The following RAB11FIP4 variants were observed in gnomAD, a reference collection of about 807,000 sequenced individuals.
RAB11FIP4 encodes rab11 family-interacting protein 4.
Under a neutral mutation model 74.3 loss-of-function variants are expected in RAB11FIP4, and 23 were observed. That is an observed-to-expected ratio of 0.31 (90% CI 0.22 to 0.44). The LOEUF (loss-of-function observed/expected upper bound fraction) is 0.44. Ranked by LOEUF, RAB11FIP4 falls within the 20% of genes least tolerant of loss-of-function variation. RAB11FIP4 has a pLI of 1.00. For synonymous variants in RAB11FIP4, 360 were observed against 359.9 expected (o/e 1.00, Z 0.00); for missense variants, 630 against 863.9 (o/e 0.73, Z 3.39).
At chr17:31,463,635 C>T (rs1313614237) in intron 3 of RAB11FIP4, among the ~76,000 whole-genome samples, 1 of 152,012 alleles carries the variant, frequency 6.6e-6, no homozygotes, top group Non-Finnish European at 1.5e-5. Flanking sequence ...TCCCGAGTAG[C>T]TGGGATTACA....
rs185024220 is a variant in RAB11FIP4 at position 31,455,669 on chromosome 17, G to A, written c.336+21547G>A. On this transcript the variant is annotated intron_variant, in intron 3 of 14. Transcript: ENST00000621161. Reference sequence around the variant, plus strand: ...TGCTCTGATAATGTGTTGATAATTGGTTGACTTTACAACCAATATTTCAAA... The same window carrying A: ...TGCTCTGATAATGTGTTGATAATTGATTGACTTTACAACCAATATTTCAAA... Among the ~76,000 whole-genome samples, 46 of 143,552 alleles carry A rather than the reference G, an allele frequency of 3.2e-4. No individual in the cohort carries two copies. In the East Asian group the frequency reaches 8.8e-3, roughly 27 times the overall value. The allele number at this position is 143,552 out of a possible 152,430, so 94.2% of individuals were successfully genotyped here.
chr17:31,445,558 ATATATATATATATATATATATTTTTTTTT>A (rs1297852543), intron 3 of RAB11FIP4, among the ~76,000 whole-genome samples: 244 of 13,754 alleles, frequency 0.018, 14 homozygotes, highest in African/African-American at 0.043. Flanking sequence ...ATATATATAT[ATATATATATATATATATATATTTTTTTTT>A]TTTTTTTTTT....
intron 1 of RAB11FIP4, among the ~76,000 whole-genome samples, chr17:31,394,586 C>G (rs1487109399): frequency 3.9e-5 from 6 of 152,130 alleles, no homozygotes; most frequent in African/African-American, 1.4e-4. Context: ...TTTCTGGAAT[C>G]TAAGCCTGTT....
intron 1 of RAB11FIP4, among the ~76,000 whole-genome samples, chr17:31,397,074 G>A (rs150797033): frequency 6.6e-6 from 1 of 152,218 alleles, no homozygotes; most frequent in Non-Finnish European, 1.5e-5. Context: ...TGGGATCGAT[G>A]TCTTTTGAGA....
At chr17:31,463,663 C>T (rs2071654243) in intron 3 of RAB11FIP4, among the ~76,000 whole-genome samples, 1 of 152,006 alleles carries the variant, frequency 6.6e-6, no homozygotes, top group Non-Finnish European at 1.5e-5. Flanking sequence ...GCCACCACAC[C>T]TGGCTAATTT....
chr17:31,459,782 G>T lies in RAB11FIP4; in HGVS notation c.336+25660G>T, dbSNP rs187427364. ...AAAGCAGCCTCTTTATCCCCCACCA[G>T]TCCCTCCCCACGGCCCCAGATACCT... On this transcript the variant is annotated intron_variant, in intron 3 of 14. Coordinates refer to ENST00000621161, the MANE Select transcript of RAB11FIP4 (RefSeq NM_032932.6). 1.6e-3 allele frequency among the ~76,000 whole-genome samples: 179 copies of T among 109,808 alleles called. 1 individual carries two copies. In the Middle Eastern group the frequency reaches 0.029, roughly 18 times the overall value. The allele number at this position is 109,808 out of a possible 152,430, so 72.0% of individuals were successfully genotyped here.
chr17:31,481,337 A>G (rs2071846878), intron 3 of RAB11FIP4, among the ~76,000 whole-genome samples: 1 of 151,882 alleles, frequency 6.6e-6, no homozygotes. Context: ...AGCGTTTTTT[A>G]AGTTCTTCAA....
At chr17:31,394,489 A>G (rs2070908238) in intron 1 of RAB11FIP4, among the ~76,000 whole-genome samples, 1 of 152,162 alleles carries the variant, frequency 6.6e-6, no homozygotes, top group African/African-American at 2.4e-5. Flanking sequence ...CTTACTGTAC[A>G]CAATTCCTTT....
chr17:31,414,407 G>A (rs1187969888), intron 1 of RAB11FIP4, among the ~76,000 whole-genome samples: 3 of 152,218 alleles, frequency 2.0e-5, no homozygotes, highest in Non-Finnish European at 1.5e-5. Context: ...CAAAAGGAAC[G>A]GACAGATGGG....
intron 1 of RAB11FIP4, among the ~76,000 whole-genome samples, chr17:31,429,258 C>T (rs1235672462): frequency 6.6e-6 from 1 of 152,156 alleles, no homozygotes; most frequent in Non-Finnish European, 1.5e-5. Flanking sequence ...CAAATTATCC[C>T]ACACACATAC....
At chr17:31,401,164 C>T (rs1455441306) in intron 1 of RAB11FIP4, among the ~76,000 whole-genome samples, 3 of 151,938 alleles carry the variant, frequency 2.0e-5, no homozygotes, top group Non-Finnish European at 2.9e-5. Flanking sequence ...CCCAGTTACT[C>T]GGGAGGCTGA....
chr17:31,457,359 A>G (rs1019972100), intron 3 of RAB11FIP4, among the ~76,000 whole-genome samples: 2 of 151,868 alleles, frequency 1.3e-5, no homozygotes, highest in Non-Finnish European at 2.9e-5. Context: ...TCTCACAGAG[A>G]TTCCAAGAAC....
Position 31,537,138 on chromosome 17 carries a change from CT to C in RAB11FIP4, c.*5410del. 2.5e-6 allele frequency: 1 copy of C among 399,644 alleles called. No individual in the cohort carries two copies. Among genetic ancestry groups the C allele is most frequent in the Non-Finnish European group, 4.4e-6 (1 of 226,378 alleles). The allele number at this position is 399,644 out of a possible 1,614,324, so 24.8% of individuals were successfully genotyped here. A position where few individuals can be genotyped will look rare whatever the true frequency, so the allele number is the denominator to read the frequency against. Reference sequence around the variant, plus strand: ...TGGTTTGGGGTCTTTGTCCTTGTGCCTTTTCTTCCCCATCGCCACTGTACAG... The same window carrying C: ...TGGTTTGGGGTCTTTGTCCTTGTGCCTTTCTTCCCCATCGCCACTGTACAG... On this transcript the variant is annotated 3_prime_UTR_variant, in exon 15 of 15. Coordinates refer to ENST00000621161, the MANE Select transcript of RAB11FIP4 (RefSeq NM_032932.6).
At position 31,475,265 on chromosome 17, in the gene RAB11FIP4, G is replaced by A. The variant is rs144114649; in HGVS notation, c.336+41143G>A. Among the ~76,000 whole-genome samples the A allele has an allele frequency of 1.0e-3, 153 of 152,250 alleles. 1 individual carries two copies. The highest frequency in any genetic ancestry group is 3.6e-3 in the African/African-American group (150 of 41,536). On this transcript the variant is annotated intron_variant, in intron 3 of 14. Transcript: ENST00000621161. ...TGAGTGAGTGGTGGGAAGCAGTGCT[G>A]GAGATGAGAAGACAAGAAGAGAGGA...
At position 31,537,495 on chromosome 17, in the gene RAB11FIP4, C is replaced by T; in HGVS notation, c.*5763C>T. The T allele has an allele frequency of 6.3e-6, 2 of 316,828 alleles. No individual in the cohort carries two copies. The highest frequency in any genetic ancestry group is 1.2e-5 in the Non-Finnish European group (2 of 173,488). 19.6% of individuals were successfully genotyped at this position (316,828 alleles called of 1,614,324 possible). A position where few individuals can be genotyped will look rare whatever the true frequency, so the allele number is the denominator to read the frequency against. On this transcript the variant is annotated 3_prime_UTR_variant, in exon 15 of 15. Transcript: ENST00000621161. ...AGCAGCTTCTCCCACAGAGCTTTCC[C>T]TGCATTGTTAGTGATGTCGGGCAAA...
At chr17:31,511,721 G>GCATC (rs1567684779) in intron 3 of RAB11FIP4, among the ~76,000 whole-genome samples, 2 of 152,354 alleles carry the variant, frequency 1.3e-5, no homozygotes, top group African/African-American at 4.8e-5. Context: ...ACCAGATGCT[G>GCATC]CATCCGCTCT....
In RAB11FIP4 at chr17:31,519,770, TC is replaced by T. The variant is rs148280177; in HGVS notation, c.564-1394del. 2.8e-3 allele frequency among the ~76,000 whole-genome samples: 421 copies of T among 152,076 alleles called. 1 individual carries two copies. Among genetic ancestry groups the T allele is most frequent in the African/African-American group, 9.6e-3 (398 of 41,478 alleles). On this transcript the variant is annotated intron_variant, in intron 4 of 14. Transcript: ENST00000621161. ...TCTCAAACTCAAGTGATTCTCAGAGTCCTGATGTTCTTGGTGGGGCCCTTTG... is the reference window on the plus strand; with the variant it reads ...TCTCAAACTCAAGTGATTCTCAGAGTCTGATGTTCTTGGTGGGGCCCTTTG...
At chr17:31,417,750 C>T (rs1339639460) in intron 1 of RAB11FIP4, among the ~76,000 whole-genome samples, 3 of 152,178 alleles carry the variant, frequency 2.0e-5, no homozygotes, top group Non-Finnish European at 2.9e-5. Context: ...ATTCAGCTGT[C>T]GCTCATTGTT....
chr17:31,513,216 C>T (rs1481451595), intron 3 of RAB11FIP4, among the ~76,000 whole-genome samples: 6 of 152,270 alleles, frequency 3.9e-5, no homozygotes, highest in South Asian at 4.1e-4. Flanking sequence ...AGGAACCCAC[C>T]GCCTCCAGAA....
Sources: gnomAD v4.1 joint callset for allele counts (sites outside exome capture counted in the v4.1 genomes callset) on GRCh38, gnomAD v4.1.1 for gene constraint, MANE v1.5 for transcripts, NCBI Gene and HGNC (gene_info 2026-07-23, HGNC 2026-07-21) for gene names.